Variants in LRRC37A2 observed in about 807,000 individuals in gnomAD.
The protein encoded by LRRC37A2 is leucine rich repeat containing 37 member A2, also known as leucine-rich repeat-containing protein 37A2.
In LRRC37A2, 9 loss-of-function variants were observed where a neutral mutation model predicts 68.8. The observed-to-expected ratio is 0.13, with a 90% CI of 0.08 to 0.23. The LOEUF is 0.23. Among genes scored for constraint, LRRC37A2 ranks in the 10% least tolerant of loss-of-function variants. The pLI is 1.00. For missense variants in LRRC37A2, 168 were observed against 950.4 expected (o/e 0.18, Z 10.82); for synonymous variants, 63 against 367.6 (o/e 0.17, Z 9.48).
the LRRC37A2 span, among the ~76,000 whole-genome samples, chr17:46,996,659 C>A: frequency 3.3e-5 from 5 of 152,184 alleles, no homozygotes; most frequent in Non-Finnish European, 7.4e-5. Context: ...TTATTAATTT[C>A]TTTAGAGACA....
chr17:46,801,872 C>T, the LRRC37A2 span, among the ~76,000 whole-genome samples: 27 of 152,240 alleles, frequency 1.8e-4, 1 homozygote, highest in African/African-American at 6.0e-4. Context: ...TGTGCCAGTT[C>T]GACCCTAGTG....
the LRRC37A2 span, among the ~76,000 whole-genome samples, chr17:46,979,422 C>T: frequency 1.3e-5 from 2 of 152,218 alleles, no homozygotes; most frequent in Non-Finnish European, 2.9e-5. Context: ...ATCCGGCAGC[C>T]TCTGTCCGCG....
At chr17:46,908,193 C>A in the LRRC37A2 span, among the ~76,000 whole-genome samples, 2 of 151,112 alleles carry the variant, frequency 1.3e-5, no homozygotes, top group African/African-American at 4.9e-5. Context: ...TCCCCCACCG[C>A]CCCCCTCACT....
chr17:46,873,086 TCACACACACACACACACACACA>T, the LRRC37A2 span, among the ~76,000 whole-genome samples: 13 of 139,914 alleles, frequency 9.3e-5, no homozygotes, highest in East Asian at 2.4e-3. Context: ...CTCTGCCTCT[TCACACACACACACACACACACA>T]CACACACACA....
the LRRC37A2 span, among the ~76,000 whole-genome samples, chr17:46,976,036 C>T: frequency 6.6e-6 from 1 of 152,104 alleles, no homozygotes; most frequent in Non-Finnish European, 1.5e-5. Flanking sequence ...ACGCCATTCT[C>T]CTGCCTCAGC....
the LRRC37A2 span, among the ~76,000 whole-genome samples, chr17:46,725,937 CT>C: frequency 6.6e-6 from 1 of 152,204 alleles, no homozygotes; most frequent in African/African-American, 2.4e-5. Flanking sequence ...TTACTACATC[CT>C]TGCCAGGCTA....
At chr17:46,785,799 C>T in the LRRC37A2 span, among the ~76,000 whole-genome samples, 1 of 152,106 alleles carries the variant, frequency 6.6e-6, no homozygotes, top group Non-Finnish European at 1.5e-5. Flanking sequence ...GGGCCCTGTG[C>T]TCCATCCCAG....
the LRRC37A2 span, among the ~76,000 whole-genome samples, chr17:46,806,685 G>T: frequency 2.6e-5 from 4 of 152,280 alleles, no homozygotes; most frequent in African/African-American, 9.6e-5. Context: ...CCTGAGGCTA[G>T]ACATTCTCTC....
At chr17:46,935,773 TCCAGCC>T in the LRRC37A2 span, 1,130 of 986,858 alleles carry the variant, frequency 1.1e-3, no homozygotes, top group Non-Finnish European at 1.3e-3. Context: ...CTGCTGAGAC[TCCAGCC>T]CCTGGGAGTG....
At chr17:47,013,714 G>C in the LRRC37A2 span, among the ~76,000 whole-genome samples, 1 of 152,244 alleles carries the variant, frequency 6.6e-6, no homozygotes, top group Non-Finnish European at 1.5e-5. Flanking sequence ...ATTCTGAATT[G>C]ATCCTTGCTA....
At chr17:46,969,469 G>A in the LRRC37A2 span, among the ~76,000 whole-genome samples, 3 of 152,182 alleles carry the variant, frequency 2.0e-5, no homozygotes, top group African/African-American at 7.2e-5. Context: ...TGAGAGAGCT[G>A]CACAGGACCC....
the LRRC37A2 span, among the ~76,000 whole-genome samples, chr17:46,921,437 C>T: frequency 6.6e-6 from 1 of 152,144 alleles, no homozygotes; most frequent in Non-Finnish European, 1.5e-5. Flanking sequence ...GACTTCATGT[C>T]TAAAACACCA....
At chr17:46,397,871 G>T in the LRRC37A2 span, among the ~76,000 whole-genome samples, 1 of 37,038 alleles carries the variant, frequency 2.7e-5, no homozygotes, top group African/African-American at 7.9e-5. Context: ...GCTGAGCGTG[G>T]TGGCTCACAC....
chr17:46,790,169 A>G, the LRRC37A2 span, among the ~76,000 whole-genome samples: 2 of 151,922 alleles, frequency 1.3e-5, no homozygotes, highest in African/African-American at 4.8e-5. Context: ...CCTGCCACCC[A>G]TTCCTCCGCA....
the LRRC37A2 span, among the ~76,000 whole-genome samples, chr17:46,960,954 A>G: frequency 6.6e-6 from 1 of 152,228 alleles, no homozygotes; most frequent in Non-Finnish European, 1.5e-5. Context: ...ATAGTGCTCT[A>G]CGTCAAAAAA....
chr17:46,952,987 A>G, the LRRC37A2 span, among the ~76,000 whole-genome samples: 3 of 152,106 alleles, frequency 2.0e-5, no homozygotes, highest in Non-Finnish European at 4.4e-5. Context: ...TATTCATTCA[A>G]ATGACTCTGA....
the LRRC37A2 span, chr17:47,019,438 C>T: frequency 7.4e-6 from 12 of 1,610,786 alleles, no homozygotes; most frequent in Non-Finnish European, 1.0e-5. Flanking sequence ...ACTCAGCCTC[C>T]AGACCTAGGG....
the LRRC37A2 span, among the ~76,000 whole-genome samples, chr17:46,914,396 C>T: frequency 6.6e-6 from 1 of 151,982 alleles, no homozygotes; most frequent in South Asian, 2.1e-4. Context: ...CGCCTGTAAT[C>T]CCGGCACTTT....
chr17:46,721,568 T>G, the LRRC37A2 span: 2 of 1,460,480 alleles, frequency 1.4e-6, no homozygotes, highest in Admixed American at 3.3e-5. Flanking sequence ...TACTTTTTAT[T>G]TAGCCATTTT....
Sources: gnomAD v4.1 joint callset for allele counts (sites outside exome capture counted in the v4.1 genomes callset) on GRCh38, gnomAD v4.1.1 for gene constraint, MANE v1.5 for transcripts, NCBI Gene and HGNC (gene_info 2026-07-23, HGNC 2026-07-21) for gene names.